The following ABHD16B variants were observed in gnomAD, a reference collection of about 807,000 sequenced individuals.
ABHD16B encodes abhydrolase domain containing 16B, also known as abhydrolase domain-containing protein 16B.
In ABHD16B, 14 loss-of-function variants were observed where a neutral mutation model predicts 10.5. The ratio of observed to expected loss-of-function variants is 1.33; its 90% CI spans 0.88 to 2.08. The LOEUF is 2.08. Ranked by LOEUF, ABHD16B falls within the 30% of genes most tolerant of loss-of-function variation. The pLI is 0.00. For missense variants in ABHD16B, 763 were observed against 717.4 expected, an observed-to-expected ratio of 1.06 and a Z score of -0.73; for synonymous variants, 374 against 337.9, an observed-to-expected ratio of 1.11 and a Z score of -1.17.
rs756496376 is a variant in ABHD16B, at chr20:63,861,911, T to C, written c.371T>C (p.Leu124Pro). The C allele has an allele frequency of 3.1e-6, 5 of 1,589,916 alleles. No individual in the cohort carries two copies. The East Asian group carries it at 6.7e-5, about 21-fold the overall frequency. ...GTGTCCCTGATGACGCGCGCGCTGC[T>C]GCCGCTGCTGCAGCAGGGCCAAGAG... ...GSVSLMTRAL[L>P]PLLQQGQERL... Residue 124 changes from leucine to proline, a missense_variant, in exon 1 of 1, where the codon CTG becomes CCG. Coordinates refer to ENST00000369916, the MANE Select transcript of ABHD16B (RefSeq NM_080622.4). The surrounding 1 kb of genome is among the most constrained non-coding windows in gnomAD (Gnocchi z 5.4).
rs757886678 is a variant in ABHD16B, at chr20:63,862,002, C to A, written c.462C>A (p.Asp154Glu). ...KLVACDGNEI[D>E]TMFMDRRQHP... The stretch of plus-strand genomic sequence containing the variant: ...TGGCCTGTGACGGCAACGAGATCGA[C>A]ACTATGTTCATGGACCGCCGCCAGC... The change falls in exon 1 of 1, where the codon GAC becomes GAA. Residue 154 changes from aspartate to glutamate, a missense_variant. Coordinates refer to ENST00000369916, the MANE Select transcript of ABHD16B (RefSeq NM_080622.4). The surrounding 1 kb of genome is among the most constrained non-coding windows in gnomAD (Gnocchi z 7.5). 5.0e-6 allele frequency: 8 copies of A among 1,605,316 alleles called. No individual in the cohort carries two copies. In the Admixed American group the frequency reaches 6.7e-5, roughly 13 times the overall value.
chr20:63,862,770 G>A lies in ABHD16B; in HGVS notation c.1230G>A (p.Glu410=). ...GTGCACGCTGCGAAGAGGAGCTGGA[G>A]GGCGAGGAGGCCCTGGGGCCACACG... ...SYRARCEEEL[E]GEEALGPHGP... is the part of the protein sequence containing the mutation. Residue 410 remains glutamate, a synonymous_variant, in exon 1 of 1, where the codon GAG becomes GAA. Transcript: ENST00000369916. The surrounding 1 kb of genome is among the most constrained non-coding windows in gnomAD (Gnocchi z 7.5). The A allele has an allele frequency of 2.0e-6, 3 of 1,530,910 alleles. No homozygotes were observed. Among genetic ancestry groups the A allele is most frequent in the Non-Finnish European group, 1.8e-6 (2 of 1,142,484 alleles). The allele number at this position is 1,530,910 out of a possible 1,614,324, so 94.8% of individuals were successfully genotyped here. A position where few individuals can be genotyped will look rare whatever the true frequency, so the allele number is the denominator to read the frequency against.
In ABHD16B at chr20:63,862,305, G is replaced by A. The variant is rs771431898; in HGVS notation, c.765G>A (p.Trp255Ter). The A allele has an allele frequency of 6.1e-5, 98 of 1,611,990 alleles. No homozygotes were observed. In the Admixed American group the frequency reaches 9.8e-4, roughly 16 times the overall value. ...CTGTTGGCGGCTTCACGGCCACCTG[G>A]GCCACCATGACCTACCCGGAGCTGG... ...GWSVGGFTATWATMTYPELGA... is the reference protein window; with the variant it reads ...GWSVGGFTAT The change falls in exon 1 of 1, where the codon TGG (tryptophan) becomes TGA (stop). Residue 255 changes from tryptophan to a stop codon, truncating the protein, a stop_gained. Coordinates refer to ENST00000369916, the MANE Select transcript of ABHD16B (RefSeq NM_080622.4). LOFTEE classifies it low-confidence loss of function (END_TRUNC). This position sits in a 1 kb window ranked among gnomAD's most constrained non-coding sequence, Gnocchi z 7.5.
rs565479325 is a variant in ABHD16B at position 63,862,004 on chromosome 20, C to T, written c.464C>T (p.Thr155Ile). The T allele has an allele frequency of 1.9e-5, 30 of 1,605,696 alleles. No homozygotes were observed. In the African/African-American group the frequency reaches 3.2e-4, roughly 17 times the overall value. ...LVACDGNEID[T>I]MFMDRRQHPG... The stretch of plus-strand genomic sequence containing the variant: ...GCCTGTGACGGCAACGAGATCGACA[C>T]TATGTTCATGGACCGCCGCCAGCAC... The change falls in exon 1 of 1, where the codon ACT becomes ATT. Residue 155 changes from threonine to isoleucine, a missense_variant. Transcript: ENST00000369916. The surrounding 1 kb of genome is among the most constrained non-coding windows in gnomAD (Gnocchi z 7.5).
In ABHD16B at chr20:63,862,931, A is replaced by G. The variant is rs1326414690; in HGVS notation, c.1391A>G (p.Gln464Arg). The change falls in exon 1 of 1, where the codon CAG becomes CGG. Residue 464 changes from glutamine to arginine, a missense_variant. Physicochemically the swap from Gln to Arg is conservative, Grantham distance 43. Coordinates refer to ENST00000369916, the MANE Select transcript of ABHD16B (RefSeq NM_080622.4). The surrounding 1 kb of genome is among the most constrained non-coding windows in gnomAD (Gnocchi z 7.5). Reference sequence around the variant, plus strand: ...AGCCCTCTGGAGCCTGAGGAGTTTCAGTTGCCCTGGCGGCTGTAACCTATA... The same window carrying G: ...AGCCCTCTGGAGCCTGAGGAGTTTCGGTTGCCCTGGCGGCTGTAACCTATA... ...HFSPLEPEEFQLPWRL is the reference protein window; with the variant it reads ...HFSPLEPEEFRLPWRL 7.4e-6 allele frequency: 11 copies of G among 1,483,790 alleles called. No homozygotes were observed. The highest frequency in any genetic ancestry group is 9.9e-6 in the Non-Finnish European group (11 of 1,116,082). The allele number at this position is 1,483,790 out of a possible 1,614,324, so 91.9% of individuals were successfully genotyped here. A position where few individuals can be genotyped will look rare whatever the true frequency, so the allele number is the denominator to read the frequency against.
Position 63,861,771 on chromosome 20 carries a change from TG to T in ABHD16B, c.235del (p.Ala79ArgfsTer40). 7.0e-7 allele frequency: 1 copy of T among 1,423,026 alleles called. No homozygotes were observed. The highest frequency in any genetic ancestry group is 1.4e-5 in the South Asian group (1 of 69,476). 88.1% of individuals were successfully genotyped at this position (1,423,026 alleles called of 1,614,324 possible). ...GGGATGCGCTGGGGCGGCCTCCACG[TG>T]GGGCGCGCAGCCAGGCGCAGTGCCT... ...GGDALGRPPR[G>X]ARSQAQCLLQ... On this transcript the variant is annotated frameshift_variant, in exon 1 of 1. Coordinates refer to ENST00000369916, the MANE Select transcript of ABHD16B (RefSeq NM_080622.4). LOFTEE classifies it high-confidence loss of function. This position sits in a 1 kb window ranked among gnomAD's most constrained non-coding sequence, Gnocchi z 5.4.
chr20:63,862,759 G>A lies in ABHD16B; in HGVS notation c.1219G>A (p.Glu407Lys). 1.3e-6 allele frequency: 2 copies of A among 1,529,646 alleles called. No homozygotes were observed. The highest frequency in any genetic ancestry group is 1.4e-5 in the African/African-American group (1 of 72,844). 94.8% of individuals were successfully genotyped at this position (1,529,646 alleles called of 1,614,324 possible). Reference protein sequence around the residue: ...LLRSYRARCEEELEGEEALGP... With the variant: ...LLRSYRARCEKELEGEEALGP... ...GCGCTCCTACCGTGCACGCTGCGAA[G>A]AGGAGCTGGAGGGCGAGGAGGCCCT... Residue 407 changes from glutamate (E) to lysine (K), a missense_variant, in exon 1 of 1, where the codon GAG (glutamate) becomes AAG (lysine). Transcript: ENST00000369916. The surrounding 1 kb of genome is among the most constrained non-coding windows in gnomAD (Gnocchi z 7.5).
Position 63,862,744 on chromosome 20 carries a change from C to T in ABHD16B, c.1204C>T (p.Arg402Cys), listed in dbSNP as rs900085833. ...DWCLALLRSY[R>C]ARCEEELEGE... is the part of the protein sequence containing the mutation. ...GTGCCTGGCGCTGCTGCGCTCCTAC[C>T]GTGCACGCTGCGAAGAGGAGCTGGA... The change falls in exon 1 of 1, where the codon CGT becomes TGT. Residue 402 changes from arginine (R) to cysteine (C), a missense_variant. Physicochemically the swap from Arg to Cys is radical, Grantham distance 180 (BLOSUM62 -3). Transcript: ENST00000369916. The surrounding 1 kb of genome is among the most constrained non-coding windows in gnomAD (Gnocchi z 7.5). 12 of 1,529,482 alleles carry T rather than the reference C, an allele frequency of 7.8e-6. No individual in the cohort carries two copies. The highest frequency in any genetic ancestry group is 3.6e-4 in the Middle Eastern group (2 of 5,588). The allele number at this position is 1,529,482 out of a possible 1,614,324, so 94.7% of individuals were successfully genotyped here.
At position 63,862,293 on chromosome 20, in the gene ABHD16B, C is replaced by T. The variant is rs756174181; in HGVS notation, c.753C>T (p.Phe251=). 1.9e-5 allele frequency: 30 copies of T among 1,611,526 alleles called. No homozygotes were observed. The highest frequency in any genetic ancestry group is 2.5e-5 in the Non-Finnish European group (30 of 1,179,596). ...TCTACGGCTGGTCTGTTGGCGGCTT[C>T]ACGGCCACCTGGGCCACCATGACCT... The part of the protein sequence containing the change: ...LVVYGWSVGG[F]TATWATMTYP... Residue 251 remains phenylalanine (F), a synonymous_variant, in exon 1 of 1, where the codon TTC becomes TTT. Coordinates refer to ENST00000369916, the MANE Select transcript of ABHD16B (RefSeq NM_080622.4). The surrounding 1 kb of genome is among the most constrained non-coding windows in gnomAD (Gnocchi z 7.5).
chr20:63,861,693 C>G lies in ABHD16B; in HGVS notation c.153C>G (p.Thr51=). The change falls in exon 1 of 1, where the codon ACC becomes ACG. Residue 51 remains threonine, a synonymous_variant. Coordinates refer to ENST00000369916, the MANE Select transcript of ABHD16B (RefSeq NM_080622.4). This position sits in a 1 kb window ranked among gnomAD's most constrained non-coding sequence, Gnocchi z 5.4. The stretch of plus-strand genomic sequence containing the variant: ...GGAGCAGCAGCCACCGGGCGCTGAC[C>G]TGCGCGGCAGCCGCGGCGGGCGTGT... ...VGRSSSHRAL[T]CAAAAAGVWL... The G allele has an allele frequency of 1.3e-6, 2 of 1,504,002 alleles. No homozygotes were observed. The highest frequency in any genetic ancestry group is 2.5e-5 in the South Asian group (2 of 80,666). 93.2% of individuals were successfully genotyped at this position (1,504,002 alleles called of 1,614,324 possible).
rs2052084063 is a variant in ABHD16B at position 63,861,737 on chromosome 20, C to T, written c.197C>T (p.Thr66Met). 7.0e-7 allele frequency: 1 copy of T among 1,419,572 alleles called. No individual in the cohort carries two copies. The highest frequency in any genetic ancestry group is 9.1e-7 in the Non-Finnish European group (1 of 1,096,734). 87.9% of individuals were successfully genotyped at this position (1,419,572 alleles called of 1,614,324 possible). A position where few individuals can be genotyped will look rare whatever the true frequency, so the allele number is the denominator to read the frequency against. The part of the protein sequence containing the change: ...AAGVWLLRDE[T>M]LGGDALGRPP... The stretch of plus-strand genomic sequence containing the variant: ...GGCGTGTGGTTGCTGCGGGACGAGA[C>T]GCTGGGCGGGGATGCGCTGGGGCGG... Residue 66 changes from threonine to methionine, a missense_variant, in exon 1 of 1, where the codon ACG (threonine) becomes ATG (methionine). Coordinates refer to ENST00000369916, the MANE Select transcript of ABHD16B (RefSeq NM_080622.4). This position sits in a 1 kb window ranked among gnomAD's most constrained non-coding sequence, Gnocchi z 5.4.
rs2052108478 is a variant in ABHD16B, at chr20:63,862,958, G to A, written c.*8G>A. ...TTGCCCTGGCGGCTGTAACCTATATGCCCCAGTGGGGGATCACGCACTTGA... is the reference window on the plus strand; with the variant it reads ...TTGCCCTGGCGGCTGTAACCTATATACCCCAGTGGGGGATCACGCACTTGA... On this transcript the variant is annotated 3_prime_UTR_variant, in exon 1 of 1. Coordinates refer to ENST00000369916, the MANE Select transcript of ABHD16B (RefSeq NM_080622.4). The surrounding 1 kb of genome is among the most constrained non-coding windows in gnomAD (Gnocchi z 7.5). 2 of 1,348,788 alleles carry A rather than the reference G, an allele frequency of 1.5e-6. No homozygotes were observed. Among genetic ancestry groups the A allele is most frequent in the Non-Finnish European group, 1.9e-6 (2 of 1,037,188 alleles). 83.6% of individuals were successfully genotyped at this position (1,348,788 alleles called of 1,614,324 possible).
rs1387804709 is a variant in ABHD16B at position 63,862,167 on chromosome 20, C to T, written c.627C>T (p.Ser209=). The T allele has an allele frequency of 1.2e-6, 2 of 1,611,400 alleles. No homozygotes were observed. The highest frequency in any genetic ancestry group is 1.7e-5 in the Admixed American group (1 of 59,954). Residue 209 remains serine, a synonymous_variant, in exon 1 of 1, where the codon AGC becomes AGT. Transcript: ENST00000369916. This position sits in a 1 kb window ranked among gnomAD's most constrained non-coding sequence, Gnocchi z 7.5. ...GCTGGAACCACCCCGGCTTCGGCAG[C>T]AGCACTGGCGTGCCCTTCCCTCAGC... ...VLGWNHPGFG[S]STGVPFPQHD...
chr20:63,861,813 C>T lies in ABHD16B; in HGVS notation c.273C>T (p.Arg91=), dbSNP rs560544546. Residue 91 remains arginine (R), a synonymous_variant, in exon 1 of 1, where the codon CGC becomes CGT. Coordinates refer to ENST00000369916, the MANE Select transcript of ABHD16B (RefSeq NM_080622.4). This position sits in a 1 kb window ranked among gnomAD's most constrained non-coding sequence, Gnocchi z 5.4. ...SQAQCLLQQL[R]ELPGQLASYA... Reference sequence around the variant, plus strand: ...CGCAGTGCCTCTTGCAGCAGCTCCGCGAGCTGCCCGGCCAGCTCGCTAGCT... The same window carrying T: ...CGCAGTGCCTCTTGCAGCAGCTCCGTGAGCTGCCCGGCCAGCTCGCTAGCT... 9 of 1,463,706 alleles carry T rather than the reference C, an allele frequency of 6.1e-6. No homozygotes were observed. Among genetic ancestry groups the T allele is most frequent in the African/African-American group, 4.3e-5 (3 of 69,394 alleles). 90.7% of individuals were successfully genotyped at this position (1,463,706 alleles called of 1,614,324 possible). A position where few individuals can be genotyped will look rare whatever the true frequency, so the allele number is the denominator to read the frequency against.
Position 63,862,893 on chromosome 20 carries a change from G to A in ABHD16B, c.1353G>A (p.Glu451=). The change falls in exon 1 of 1, where the codon GAG becomes GAA. Residue 451 remains glutamate (E), a synonymous_variant. Transcript: ENST00000369916. This position sits in a 1 kb window ranked among gnomAD's most constrained non-coding sequence, Gnocchi z 7.5. ...CTCGGAAGCACCTCAAGAACGTGGA[G>A]GCGACTCACTTCAGCCCTCTGGAGC... ...FLARKHLKNV[E]ATHFSPLEPE... 6.5e-7 allele frequency: 1 copy of A among 1,538,196 alleles called. No homozygotes were observed. The highest frequency in any genetic ancestry group is 1.2e-5 in the South Asian group (1 of 82,764).
chr20:63,861,508 C>G lies in ABHD16B; in HGVS notation c.-33C>G, dbSNP rs200300678. ...TGCCCTGTGCCTCTCGCGGCGATCC[C>G]GGCCCAGCGGCTGGGCGTTAGGGCC... On this transcript the variant is annotated 5_prime_UTR_variant, in exon 1 of 1. Coordinates refer to ENST00000369916, the MANE Select transcript of ABHD16B (RefSeq NM_080622.4). This position sits in a 1 kb window ranked among gnomAD's most constrained non-coding sequence, Gnocchi z 5.4. 8.3e-5 allele frequency: 128 copies of G among 1,535,460 alleles called. No homozygotes were observed. The African/African-American group carries it at 1.6e-3, about 19-fold the overall frequency.
chr20:63,861,775 G>A lies in ABHD16B; in HGVS notation c.235G>A (p.Ala79Thr). ...TGCGCTGGGGCGGCCTCCACGTGGG[G>A]CGCGCAGCCAGGCGCAGTGCCTCTT... ...GDALGRPPRG[A>T]RSQAQCLLQQ... The change falls in exon 1 of 1, where the codon GCG becomes ACG. Residue 79 changes from alanine to threonine, a missense_variant. By Grantham distance (58) the Ala-to-Thr change is moderately conservative. Coordinates refer to ENST00000369916, the MANE Select transcript of ABHD16B (RefSeq NM_080622.4). The surrounding 1 kb of genome is among the most constrained non-coding windows in gnomAD (Gnocchi z 5.4). The A allele has an allele frequency of 7.0e-7, 1 of 1,429,770 alleles. No homozygotes were observed. Among genetic ancestry groups the A allele is most frequent in the Non-Finnish European group, 9.1e-7 (1 of 1,100,638 alleles). The allele number at this position is 1,429,770 out of a possible 1,614,324, so 88.6% of individuals were successfully genotyped here.
chr20:63,862,923 G>A lies in ABHD16B; in HGVS notation c.1383G>A (p.Glu461=). The A allele has an allele frequency of 6.7e-7, 1 of 1,496,348 alleles. No individual in the cohort carries two copies. The highest frequency in any genetic ancestry group is 1.7e-4 in the Middle Eastern group (1 of 5,730). The allele number at this position is 1,496,348 out of a possible 1,614,324, so 92.7% of individuals were successfully genotyped here. ...CTCACTTCAGCCCTCTGGAGCCTGA[G>A]GAGTTTCAGTTGCCCTGGCGGCTGT... ...EATHFSPLEP[E]EFQLPWRL is the part of the protein sequence containing the mutation. The change falls in exon 1 of 1, where the codon GAG becomes GAA. Residue 461 remains glutamate, a synonymous_variant. Coordinates refer to ENST00000369916, the MANE Select transcript of ABHD16B (RefSeq NM_080622.4). This position sits in a 1 kb window ranked among gnomAD's most constrained non-coding sequence, Gnocchi z 7.5.
At position 63,861,845 on chromosome 20, in the gene ABHD16B, T is replaced by C. The variant is rs748499292; in HGVS notation, c.305T>C (p.Leu102Pro). Residue 102 changes from leucine to proline, a missense_variant, in exon 1 of 1, where the codon CTG becomes CCG. Coordinates refer to ENST00000369916, the MANE Select transcript of ABHD16B (RefSeq NM_080622.4). This position sits in a 1 kb window ranked among gnomAD's most constrained non-coding sequence, Gnocchi z 5.4. Reference protein sequence around the residue: ...ELPGQLASYALAHSLGRWLVY... With the variant: ...ELPGQLASYAPAHSLGRWLVY... ...CCCGGCCAGCTCGCTAGCTACGCGCTGGCCCACTCGCTGGGCCGCTGGCTC... is the reference window on the plus strand; with the variant it reads ...CCCGGCCAGCTCGCTAGCTACGCGCCGGCCCACTCGCTGGGCCGCTGGCTC... 3.2e-4 allele frequency: 489 copies of C among 1,549,376 alleles called. No individual in the cohort carries two copies. The highest frequency in any genetic ancestry group is 7.6e-4 in the Admixed American group (40 of 52,470).
Sources: allele counts gnomAD v4.1 joint callset, GRCh38; gene constraint gnomAD v4.1.1; non-coding constraint Gnocchi (gnomAD v3.1); transcripts MANE v1.5; gene names NCBI Gene and HGNC (gene_info 2026-07-23, HGNC 2026-07-21).